ADAM18: variants seen among roughly 807,000 people sequenced by gnomAD.
The protein encoded by ADAM18 is ADAM metallopeptidase domain 18, also known as disintegrin and metalloproteinase domain-containing protein 18.
A neutral mutation model predicts 94.4 loss-of-function variants in ADAM18; 117 were observed. The ratio of observed to expected loss-of-function variants is 1.24; its 90% confidence interval spans 1.07 to 1.45. The LOEUF (loss-of-function observed/expected upper bound fraction) is 1.45. Ranked by LOEUF, ADAM18 falls within the 40% of genes most tolerant of loss-of-function variation. The pLI is 0.00. For missense variants in ADAM18, 936 were observed against 880.0 expected (o/e 1.06, Z -0.81); for synonymous variants, 327 against 291.6 (o/e 1.12, Z -1.24).
intron 17 of ADAM18, among the ~76,000 whole-genome samples, chr8:39,699,585 G>T (rs988457350): frequency 6.6e-6 from 1 of 151,848 alleles, no homozygotes; most frequent in Non-Finnish European, 1.5e-5. Context: ...AATTTTGGGG[G>T]CTAATATGAG....
At chr8:39,618,711 C>G (rs1819519595) in intron 6 of ADAM18, among the ~76,000 whole-genome samples, 1 of 152,150 alleles carries the variant, frequency 6.6e-6, no homozygotes, top group Admixed American at 6.5e-5. Context: ...CCTTTCTTAT[C>G]CATATGGACA....
At chr8:39,697,175 A>G (rs1821949970) in intron 17 of ADAM18, among the ~76,000 whole-genome samples, 1 of 151,532 alleles carries the variant, frequency 6.6e-6, no homozygotes, top group Admixed American at 6.6e-5. Flanking sequence ...ACGCATTGCT[A>G]GCCAGTGTAT....
At chr8:39,634,190 G>A (rs756214887) in intron 7 of ADAM18, among the ~76,000 whole-genome samples, 28 of 152,152 alleles carry the variant, frequency 1.8e-4, no homozygotes, top group Non-Finnish European at 3.2e-4. Flanking sequence ...GTACATCTCA[G>A]ACTGTGGTTT....
intron 16 of ADAM18, among the ~76,000 whole-genome samples, chr8:39,688,790 G>A (rs548151887): frequency 2.6e-5 from 4 of 152,272 alleles, no homozygotes; most frequent in African/African-American, 7.2e-5. Context: ...TCACCACGTT[G>A]TCTTCCACAA....
intron 13 of ADAM18, among the ~76,000 whole-genome samples, chr8:39,667,087 CAT>C (rs1821010896): frequency 6.6e-6 from 1 of 152,080 alleles, no homozygotes. Flanking sequence ...TAATAATAAA[CAT>C]ATAAAAATGA....
intron 14 of ADAM18, among the ~76,000 whole-genome samples, chr8:39,670,091 T>G (rs2129580260): frequency 6.6e-6 from 1 of 152,314 alleles, no homozygotes; most frequent in South Asian, 2.1e-4. Context: ...TTTCATGTGT[T>G]TTTTGGCTGC....
intron 12 of ADAM18, among the ~76,000 whole-genome samples, 181 bp from the exon 13 acceptor site, chr8:39,663,598 CAAAAAAAAAAAAAAAA>C (rs10597769): frequency 5.1e-5 from 1 of 19,592 alleles, no homozygotes; most frequent in African/African-American, 2.5e-4. Context: ...AATCCTGTCT[CAAAAAAAAAAAAAAAA>C]AAAAAAAAAA....
rs150189990 is a variant in ADAM18 at position 39,677,865 on chromosome 8, C to A, written c.1631+329C>A. The stretch of plus-strand genomic sequence containing the variant: ...TAAATAGCAACAATCTTAAAGCAAA[C>A]CTCAAGCTTTGATTTTTAAGACATA... On this transcript the variant is annotated intron_variant, in intron 15 of 19. Coordinates refer to ENST00000265707, the MANE Select transcript of ADAM18 (RefSeq NM_014237.3). Among the ~76,000 whole-genome samples, 79 of 152,178 alleles carry A rather than the reference C, an allele frequency of 5.2e-4. 1 individual carries two copies. The highest frequency in any genetic ancestry group is 1.6e-3 in the African/African-American group (66 of 41,536).
At chr8:39,598,661 G>A (rs1446642494) in intron 2 of ADAM18, among the ~76,000 whole-genome samples, 1 of 151,492 alleles carries the variant, frequency 6.6e-6, no homozygotes, top group African/African-American at 2.4e-5. Flanking sequence ...CCAGCTACTC[G>A]GGAGGCTGAG....
At chr8:39,698,164 C>T (rs1335667650) in intron 17 of ADAM18, among the ~76,000 whole-genome samples, 1 of 151,680 alleles carries the variant, frequency 6.6e-6, no homozygotes, top group African/African-American at 2.4e-5. Flanking sequence ...TGTTTTAAAG[C>T]TATTTTCTAG....
intron 17 of ADAM18, among the ~76,000 whole-genome samples, chr8:39,705,455 C>T (rs1306824407): frequency 3.3e-5 from 5 of 151,930 alleles, no homozygotes; most frequent in Non-Finnish European, 2.9e-5. Context: ...TGCATAAGGC[C>T]AGATCACTCC....
chr8:39,593,353 C>T (rs1818635244), intron 2 of ADAM18, among the ~76,000 whole-genome samples: 1 of 152,040 alleles, frequency 6.6e-6, no homozygotes, highest in Non-Finnish European at 1.5e-5. Context: ...CAATCCCAAT[C>T]AAAATTCCAA....
At chr8:39,619,799 A>G (rs546778964) in intron 6 of ADAM18, among the ~76,000 whole-genome samples, 1 of 152,290 alleles carries the variant, frequency 6.6e-6, no homozygotes, top group African/African-American at 2.4e-5. Flanking sequence ...TATTGTTAAA[A>G]TGTTCATATT....
intron 17 of ADAM18, among the ~76,000 whole-genome samples, chr8:39,700,255 A>G (rs1022084062): frequency 6.6e-6 from 1 of 152,218 alleles, no homozygotes; most frequent in Admixed American, 6.5e-5. Context: ...ATGTTGTTGA[A>G]GCTTAAAATG....
intron 6 of ADAM18, among the ~76,000 whole-genome samples, chr8:39,621,733 A>C (rs1314714335): frequency 5.3e-5 from 8 of 152,190 alleles, no homozygotes; most frequent in Admixed American, 4.6e-4. Context: ...ACACCATGGA[A>C]TACTATGCAG....
chr8:39,646,419 G>T (rs1820378874), intron 11 of ADAM18, among the ~76,000 whole-genome samples: 1 of 151,970 alleles, frequency 6.6e-6, no homozygotes, highest in Admixed American at 6.5e-5. Context: ...ATTAATTGTG[G>T]TAATATATTT....
At chr8:39,642,458 G>A (rs919674415) in intron 10 of ADAM18, among the ~76,000 whole-genome samples, 5 of 151,858 alleles carry the variant, frequency 3.3e-5, no homozygotes, top group African/African-American at 9.7e-5. Flanking sequence ...AAGGGGCCCT[G>A]TTTCATTCTT....
intron 19 of ADAM18, among the ~76,000 whole-genome samples, chr8:39,729,268 T>C (rs1265003114): frequency 1.3e-5 from 2 of 152,158 alleles, no homozygotes; most frequent in Non-Finnish European, 2.9e-5. Context: ...CAGATGGTGA[T>C]AGTTTCACAA....
intron 16 of ADAM18, among the ~76,000 whole-genome samples, chr8:39,682,983 A>G (rs1821510471): frequency 6.6e-6 from 1 of 152,178 alleles, no homozygotes; most frequent in Non-Finnish European, 1.5e-5. Context: ...CACTCCCTTT[A>G]TAATACACAT....
Sources: gnomAD v4.1 joint callset for allele counts (sites outside exome capture counted in the v4.1 genomes callset) on GRCh38, gnomAD v4.1.1 for gene constraint, MANE v1.5 for transcripts, NCBI Gene and HGNC (gene_info 2026-07-23, HGNC 2026-07-21) for gene names.